The following SOAT2 variants were observed in gnomAD, a reference collection of about 807,000 sequenced individuals.
SOAT2 encodes sterol O-acyltransferase 2, also known as ACAT-2.
SOAT2 carries 87 observed loss-of-function variants against 76.0 expected under a neutral mutation model. That is an observed-to-expected ratio of 1.14 (90% CI 0.96 to 1.37). The LOEUF (loss-of-function observed/expected upper bound fraction) is 1.37. Among genes scored for constraint, SOAT2 ranks in the 40% most tolerant of loss-of-function variants. The probability of loss-of-function intolerance (pLI) is 0.00; values close to 1 mark genes in which losing one functional copy is unlikely to be tolerated. For synonymous variants in SOAT2, 285 were observed against 275.4 expected (o/e 1.03, Z -0.34); for missense variants, 686 against 682.1 (o/e 1.01, Z -0.06).
At chr12:53,107,982 C>A (rs906422005) in intron 5 of SOAT2, among the ~76,000 whole-genome samples, 2 of 149,576 alleles carry the variant, frequency 1.3e-5, no homozygotes, top group African/African-American at 4.9e-5. Context: ...AAAGACAGAT[C>A]ATAGTAGGAC....
chr12:53,119,004 C>T (rs1358153256), intron 9 of SOAT2, 69 bp downstream of exon 9: 2 of 1,610,500 alleles, frequency 1.2e-6, no homozygotes, highest in African/African-American at 1.3e-5. Flanking sequence ...TCTGGGAGGC[C>T]TGGGGAGGCA....
chr12:53,105,185 C>A lies in SOAT2; in HGVS notation c.217C>A (p.Gln73Lys). The A allele has an allele frequency of 6.3e-7, 1 of 1,596,690 alleles. No individual in the cohort carries two copies. Among genetic ancestry groups the A allele is most frequent in the Non-Finnish European group, 8.5e-7 (1 of 1,171,692 alleles). ...LLDRAMREAI[Q>K]SYPSQDKPLP... ...GGATCGGGCCATGCGGGAGGCTATA[C>A]AATCCTACCCATCACAAGACAAACC... The change falls in exon 3 of 15, where the codon CAA (glutamine) becomes AAA (lysine). Residue 73 changes from glutamine to lysine, a missense_variant. Gln to Lys is a moderately conservative substitution (Grantham distance 53, BLOSUM62 1). Transcript: ENST00000301466.
intron 1 of SOAT2, 70 bp from the exon 2 acceptor site, chr12:53,104,081 C>A: frequency 1.5e-6 from 2 of 1,310,970 alleles, no homozygotes; most frequent in Non-Finnish European, 2.2e-6. Flanking sequence ...ATTTCCTGAC[C>A]ACAGGATGCC....
At chr12:53,104,260 G>T in intron 2 of SOAT2, 54 bp downstream of exon 2, 1 of 1,263,576 alleles carries the variant, frequency 7.9e-7, no homozygotes, top group Non-Finnish European at 1.2e-6. Flanking sequence ...GTAGCAGGAA[G>T]CAGGAGTGAG....
intron 5 of SOAT2, among the ~76,000 whole-genome samples, chr12:53,112,961 A>G (rs1470025848): frequency 1.4e-5 from 2 of 141,120 alleles, no homozygotes; most frequent in South Asian, 2.4e-4. Context: ...TTTAGTAGAG[A>G]TGGGGTTTCA....
rs56848843 is a variant in SOAT2 at position 53,121,793 on chromosome 12, CTTTTTTTTTTTTTT to C, written c.1236+410_1236+423del. ...TAAGTCCCAATGGGATAGTAGCATG[CTTTTTTTTTTTTTT>C]TTTTTTTTTTTTTTTTTGAGATGGA... is the stretch of plus-strand genomic sequence containing the variant. On this transcript the variant is annotated intron_variant, in intron 12 of 14. Coordinates refer to ENST00000301466, the MANE Select transcript of SOAT2 (RefSeq NM_003578.4). 1.2e-3 allele frequency among the ~76,000 whole-genome samples: 66 copies of C among 56,862 alleles called. 1 individual carries two copies. The highest frequency in any genetic ancestry group is 4.4e-3 in the African/African-American group (56 of 12,626). 37.3% of individuals were successfully genotyped at this position (56,862 alleles called of 152,430 possible).
chr12:53,106,138 A>C, intron 5 of SOAT2, 124 bp downstream of exon 5: 1 of 635,572 alleles, frequency 1.6e-6, no homozygotes, highest in Non-Finnish European at 2.8e-6. Flanking sequence ...GACATGTACC[A>C]ACATTGCTCC....
rs1388156812 is a variant in SOAT2 at position 53,118,875 on chromosome 12, C to T, written c.864-15C>T. 1 of 1,613,892 alleles carries T rather than the reference C, an allele frequency of 6.2e-7. No homozygotes were observed. The highest frequency in any genetic ancestry group is 8.5e-7 in the Non-Finnish European group (1 of 1,179,882). On this transcript the variant is annotated splice_polypyrimidine_tract_variant and intron_variant, in intron 8 of 14. Transcript: ENST00000301466. ...TGAAAGAATGAGAAACATATTGTCCCCATTGCCGCTGCAGGACGCCCTATG... is the reference window on the plus strand; with the variant it reads ...TGAAAGAATGAGAAACATATTGTCCTCATTGCCGCTGCAGGACGCCCTATG...
In SOAT2 at chr12:53,123,199, TCTTC is replaced by T; in HGVS notation, c.1359_1362del (p.Phe453LeufsTer7). 1 of 1,614,006 alleles carries T rather than the reference TCTTC, an allele frequency of 6.2e-7. No individual in the cohort carries two copies. Among genetic ancestry groups the T allele is most frequent in the South Asian group, 1.1e-5 (1 of 91,086 alleles). ...TTCTTCTATCCCGTCATGCTGATAC[TCTTC>T]CTTGTCATTGGAGGTGAGCTGGTCT... On this transcript the variant is annotated frameshift_variant, in exon 13 of 15. Transcript: ENST00000301466. LOFTEE classifies it high-confidence loss of function.
At chr12:53,115,735 GGGGCGGGGCCCACGAGA>G in intron 6 of SOAT2, 81 bp downstream of exon 6, 2 of 1,417,590 alleles carry the variant, frequency 1.4e-6, no homozygotes, top group Non-Finnish European at 1.8e-6. Flanking sequence ...CCCCAAAGAG[GGGGCGGGGCCCACGAGA>G]GGGAGGCGCT....
chr12:53,124,305 G>C lies in SOAT2; in HGVS notation c.*182G>C. The C allele has an allele frequency of 3.1e-6, 2 of 642,862 alleles. No individual in the cohort carries two copies. The highest frequency in any genetic ancestry group is 2.8e-6 in the Non-Finnish European group (1 of 359,750). The allele number at this position is 642,862 out of a possible 1,614,324, so 39.8% of individuals were successfully genotyped here. On this transcript the variant is annotated 3_prime_UTR_variant, in exon 15 of 15. Coordinates refer to ENST00000301466, the MANE Select transcript of SOAT2 (RefSeq NM_003578.4). Reference sequence around the variant, plus strand: ...GCAGACTTGTGGGTAACTGATCACAGACCTCAGCATGGGGGTGACCAGGGT... The same window carrying C: ...GCAGACTTGTGGGTAACTGATCACACACCTCAGCATGGGGGTGACCAGGGT...
intron 2 of SOAT2, 78 bp downstream of exon 2, chr12:53,104,284 G>C: frequency 1.9e-5 from 15 of 776,088 alleles, no homozygotes; most frequent in Non-Finnish European, 2.9e-5. Context: ...TGGTGATAAA[G>C]ATGACTTTTT....
At position 53,123,102 on chromosome 12, in the gene SOAT2, G is replaced by A; in HGVS notation, c.1258G>A (p.Gly420Arg). The change falls in exon 13 of 15, where the codon GGG becomes AGG. Residue 420 changes from glycine (G) to arginine (R), a missense_variant. Transcript: ENST00000301466. The part of the protein sequence containing the change: ...GLRLLGARAR[G>R]VAMLGVFLVS... ...CCAGCTCCTTGGTGCCCGGGCCCGA[G>A]GGGTAGCCATGCTGGGTGTGTTCCT... 1 of 1,613,470 alleles carries A rather than the reference G, an allele frequency of 6.2e-7. No individual in the cohort carries two copies. The highest frequency in any genetic ancestry group is 8.5e-7 in the Non-Finnish European group (1 of 1,179,742).
chr12:53,110,425 C>T (rs1396235778), intron 5 of SOAT2, among the ~76,000 whole-genome samples: 1 of 152,164 alleles, frequency 6.6e-6, no homozygotes, highest in African/African-American at 2.4e-5. Flanking sequence ...TTTAGGAGGC[C>T]TAATCACCTT....
At chr12:53,118,989 A>G in intron 9 of SOAT2, 54 bp downstream of exon 9, 1 of 1,611,900 alleles carries the variant, frequency 6.2e-7, no homozygotes, top group Non-Finnish European at 8.5e-7. Flanking sequence ...TGGAGAGGGG[A>G]CATTTCTGGG....
intron 5 of SOAT2, among the ~76,000 whole-genome samples, chr12:53,111,059 G>A (rs1938003486): frequency 6.9e-6 from 1 of 145,654 alleles, no homozygotes; most frequent in Non-Finnish European, 1.5e-5. Flanking sequence ...ACAAGTTTAT[G>A]AGTATTTATC....
chr12:53,117,790 A>AC (rs1484824781), intron 7 of SOAT2, among the ~76,000 whole-genome samples: 1 of 151,624 alleles, frequency 6.6e-6, no homozygotes, highest in African/African-American at 2.4e-5. Flanking sequence ...GTATCCCCAC[A>AC]CCCCCTCCAG....
At chr12:53,105,298 A>C in intron 3 of SOAT2, 55 bp downstream of exon 3, 2 of 1,566,320 alleles carry the variant, frequency 1.3e-6, no homozygotes, top group Non-Finnish European at 1.7e-6. Flanking sequence ...CATGAGCTAG[A>C]AACATCACGT....
intron 13 of SOAT2, 102 bp from the exon 14 acceptor site, chr12:53,123,626 G>A: frequency 7.3e-7 from 1 of 1,374,276 alleles, no homozygotes; most frequent in South Asian, 1.3e-5. Flanking sequence ...TCTCCAATGG[G>A]GCCTTCTTGT....
Sources: allele counts gnomAD v4.1 joint callset (sites outside exome capture counted in the v4.1 genomes callset), GRCh38; gene constraint gnomAD v4.1.1; transcripts MANE v1.5; gene names NCBI Gene and HGNC (gene_info 2026-07-23, HGNC 2026-07-21).